Variants in RSRP1 observed in about 807,000 individuals in gnomAD.
The protein encoded by RSRP1 is arginine and serine rich protein 1.
Under a neutral mutation model 33.0 loss-of-function variants are expected in RSRP1, and 37 were observed. The observed-to-expected ratio is 1.12, with a 90% CI of 0.86 to 1.48. The LOEUF is 1.48. Ranked by LOEUF, RSRP1 falls within the 40% of genes most tolerant of loss-of-function variation. The pLI, the probability that RSRP1 is intolerant of heterozygous loss-of-function variation, is 0.00. For missense variants in RSRP1, 402 were observed against 385.3 expected (o/e 1.04, Z -0.36); for synonymous variants, 167 against 158.7 (o/e 1.05, Z -0.40).
At chr1:25,245,063 A>G (rs781358300) in intron 3 of RSRP1, 87 bp downstream of exon 3, 5 of 1,610,964 alleles carry the variant, frequency 3.1e-6, no homozygotes, top group Non-Finnish European at 4.2e-6. Flanking sequence ...AGACTTCCCA[A>G]AAAGTATAGT....
At chr1:25,329,783 A>G (rs1644959022) in intron 1 of RSRP1, 1 of 129,762 alleles carries the variant, frequency 7.7e-6, no homozygotes, top group South Asian at 2.3e-4. Flanking sequence ...CCTCCCGAGT[A>G]GCTGGAATTA....
chr1:25,302,906 G>A lies in RSRP1; in HGVS notation c.-67+35072C>T, dbSNP rs1319641311. Among the ~76,000 whole-genome samples the A allele has an allele frequency of 8.4e-5, 11 of 130,908 alleles. No individual in the cohort carries two copies. The East Asian group carries it at 1.8e-3, about 21-fold the overall frequency. The allele number at this position is 130,908 out of a possible 152,430, so 85.9% of individuals were successfully genotyped here. A position where few individuals can be genotyped will look rare whatever the true frequency, so the allele number is the denominator to read the frequency against. On this transcript the variant is annotated intron_variant, in intron 1 of 1. Transcript: ENST00000561867. ...CACCTGTAATCCCAATATTTTGGGA[G>A]GCTGAGGCAAGAGGATTGGTTGAGG...
intron 4 of RSRP1, among the ~76,000 whole-genome samples, chr1:25,243,335 G>A (rs1230147777): frequency 6.6e-6 from 1 of 152,108 alleles, no homozygotes; most frequent in Non-Finnish European, 1.5e-5. Flanking sequence ...ACACTTAAAA[G>A]AATGGCAAAA....
upstream of RSRP1, among the ~76,000 whole-genome samples, chr1:25,248,862 C>T (rs1471440322): frequency 6.6e-6 from 1 of 152,140 alleles, no homozygotes; most frequent in African/African-American, 2.4e-5. Context: ...AGAAAAATAA[C>T]ACGAGGCCAG....
intron 1 of RSRP1, among the ~76,000 whole-genome samples, chr1:25,254,526 C>T (rs1195743300): frequency 6.6e-6 from 1 of 152,150 alleles, no homozygotes; most frequent in Non-Finnish European, 1.5e-5. Flanking sequence ...ACTTCCACCT[C>T]CCCAGTTCAA....
rs761203872 is a variant in RSRP1 at position 25,272,722 on chromosome 1, C to G, written c.-66-25693G>C. ...TGAGAGTTCATTGGAAAAGTGGTCA[C>G]AGGAGCAAATAGCAGGGGCAGGGGC... is the stretch of plus-strand genomic sequence containing the variant. On this transcript the variant is annotated intron_variant, in intron 1 of 1. Transcript: ENST00000561867. The G allele has an allele frequency of 8.7e-6, 12 of 1,378,690 alleles. 3 individuals carry two copies. The highest frequency in any genetic ancestry group is 1.2e-5 in the Non-Finnish European group (12 of 978,360). The allele number at this position is 1,378,690 out of a possible 1,614,324, so 85.4% of individuals were successfully genotyped here. A position where few individuals can be genotyped will look rare whatever the true frequency, so the allele number is the denominator to read the frequency against.
chr1:25,247,246 C>G, intron 1 of RSRP1, 63 bp downstream of exon 1: 1 of 409,356 alleles, frequency 2.4e-6, no homozygotes, highest in Non-Finnish European at 4.4e-6. Flanking sequence ...GCACGTTTCC[C>G]GTCCCTCACT....
intron 1 of RSRP1, among the ~76,000 whole-genome samples, chr1:25,260,244 T>C (rs1339353879): frequency 6.6e-6 from 1 of 152,250 alleles, no homozygotes; most frequent in Non-Finnish European, 1.5e-5. Flanking sequence ...ACCAAGGTTC[T>C]TTTTGTTTAC....
At position 25,242,304 on chromosome 1, in the gene RSRP1, ACT is replaced by A. The variant is rs748164583; in HGVS notation, c.*283_*284del. The A allele has an allele frequency of 1.4e-5, 3 of 208,718 alleles. No individual in the cohort carries two copies. The highest frequency in any genetic ancestry group is 2.9e-5 in the Non-Finnish European group (3 of 104,580). The allele number at this position is 208,718 out of a possible 1,614,324, so 12.9% of individuals were successfully genotyped here. On this transcript the variant is annotated 3_prime_UTR_variant, in exon 5 of 5. Transcript: ENST00000243189. ...TACAAAACAGGAATACAGTTCAATT[ACT>A]GTGTCTAAAAAATTTCATTTTTACA...
In RSRP1 at chr1:25,244,973, T is replaced by G. The variant is rs111641742; in HGVS notation, c.672+177A>C. 2,337 of 1,476,258 alleles carry G rather than the reference T, an allele frequency of 1.6e-3. 30 individuals are homozygous for G. The African/African-American group carries it at 0.025, about 16-fold the overall frequency. 91.4% of individuals were successfully genotyped at this position (1,476,258 alleles called of 1,614,324 possible). ...ACCATGCACGGCCAAATAAAGCTCA[T>G]TAATCTCCCATTTTCATGGGTTTGA... On this transcript the variant is annotated intron_variant, in intron 3 of 4. Coordinates refer to ENST00000243189, the MANE Select transcript of RSRP1 (RefSeq NM_020317.5).
intron 1 of RSRP1, chr1:25,290,619 T>C (rs1255485670): frequency 7.3e-7 from 1 of 1,366,884 alleles, no homozygotes; most frequent in Non-Finnish European, 1.0e-6. Flanking sequence ...TCAGTCGTCC[T>C]GGCTCTCCCT....
At chr1:25,269,393 C>A (rs1232767351) in intron 1 of RSRP1, among the ~76,000 whole-genome samples, 1 of 132,548 alleles carries the variant, frequency 7.5e-6, no homozygotes, top group Non-Finnish European at 1.8e-5. Flanking sequence ...AACCATCGTA[C>A]GTCGGAGGCC....
intron 1 of RSRP1, among the ~76,000 whole-genome samples, chr1:25,300,593 T>C (rs1172479330): frequency 2.3e-5 from 3 of 129,858 alleles, no homozygotes; most frequent in Non-Finnish European, 5.4e-5. Flanking sequence ...GTGGATCGCC[T>C]GAGGTCAGGA....
intron 1 of RSRP1, among the ~76,000 whole-genome samples, chr1:25,278,200 G>T (rs572350021): frequency 2.3e-5 from 3 of 129,746 alleles, no homozygotes; most frequent in Admixed American, 2.3e-4. Flanking sequence ...TGAAAAGAGT[G>T]GGGAGTTAAG....
chr1:25,307,975 T>G (rs1485276945), intron 1 of RSRP1, among the ~76,000 whole-genome samples: 1 of 125,750 alleles, frequency 8.0e-6, no homozygotes, highest in South Asian at 2.4e-4. Context: ...CTCTGAAAGA[T>G]GAGGACTTGA....
intron 1 of RSRP1, 91 bp downstream of exon 1, chr1:25,247,218 C>T: frequency 2.2e-6 from 1 of 446,478 alleles, no homozygotes; most frequent in Non-Finnish European, 4.0e-6. Context: ...ACGCTGCGTT[C>T]CCCAAACGCG....
At chr1:25,250,908 C>T (rs1468499732), upstream of RSRP1, among the ~76,000 whole-genome samples, 1 of 152,004 alleles carries the variant, frequency 6.6e-6, no homozygotes, top group African/African-American at 2.4e-5. Context: ...ACTCAGGAGG[C>T]TGAGGCAAGA....
intron 1 of RSRP1, chr1:25,307,963 C>A (rs1330492337): frequency 1.4e-6 from 1 of 719,598 alleles, no homozygotes; most frequent in Non-Finnish European, 2.2e-6. Context: ...CTGAGAGTTC[C>A]CCTCTGAAAG....
chr1:25,311,901 G>T (rs1644168816), intron 1 of RSRP1, among the ~76,000 whole-genome samples: 2 of 131,362 alleles, frequency 1.5e-5, no homozygotes, highest in Admixed American at 7.3e-5. Context: ...ACATTTCAAA[G>T]GGTGCTGTGA....
Sources: allele counts gnomAD v4.1 joint callset (sites outside exome capture counted in the v4.1 genomes callset), GRCh38; gene constraint gnomAD v4.1.1; transcripts MANE v1.5; gene names NCBI Gene and HGNC (gene_info 2026-07-23, HGNC 2026-07-21).